The following MCU variants were observed in gnomAD, a reference collection of about 807,000 sequenced individuals.
The protein encoded by MCU is mitochondrial calcium uniporter.
MCU carries 12 observed loss-of-function variants against 45.2 expected under a neutral mutation model. That is an observed-to-expected ratio of 0.27 (90% CI 0.17 to 0.43). MCU has a LOEUF of 0.43. Among genes scored for constraint, MCU ranks in the 20% least tolerant of loss-of-function variants. The pLI is 1.00. For synonymous variants in MCU, 160 were observed against 165.1 expected, an observed-to-expected ratio of 0.97 and a Z score of 0.24; for missense variants, 324 against 436.7, an observed-to-expected ratio of 0.74 and a Z score of 2.30.
intron 1 of MCU, among the ~76,000 whole-genome samples, chr10:72,739,191 T>G (rs1448123098): frequency 3.3e-5 from 5 of 152,216 alleles, no homozygotes; most frequent in Admixed American, 2.0e-4. Context: ...CTTAACATTT[T>G]TTTTGACTAC....
intron 1 of MCU, among the ~76,000 whole-genome samples, chr10:72,772,099 A>G (rs973577403): frequency 1.3e-5 from 2 of 152,132 alleles, no homozygotes; most frequent in African/African-American, 4.8e-5. Context: ...AAGGGAGAAA[A>G]TGCCTGAGGA....
chr10:72,747,862 A>C (rs1479769469), intron 1 of MCU, among the ~76,000 whole-genome samples: 1 of 152,058 alleles, frequency 6.6e-6, no homozygotes, highest in Non-Finnish European at 1.5e-5. Context: ...TGGAAGTGTA[A>C]TATGGCCAAA....
chr10:72,739,348 G>C (rs539990597), intron 1 of MCU, among the ~76,000 whole-genome samples: 1 of 152,148 alleles, frequency 6.6e-6, no homozygotes, highest in African/African-American at 2.4e-5. Flanking sequence ...CTGGAATCTC[G>C]TTAAATTGTA....
rs115396851 is a variant in MCU, at chr10:72,868,459, G to A, written c.497-244G>A. On this transcript the variant is annotated intron_variant, in intron 4 of 7. Coordinates refer to ENST00000373053, the MANE Select transcript of MCU (RefSeq NM_138357.3). ...CCCAGCTACTTGGGAAGTTAACGTC[G>A]GAGGATTACTTGAGCCCTGGAGGTA... Among the ~76,000 whole-genome samples the A allele has an allele frequency of 6.5e-3, 987 of 151,860 alleles. 16 individuals carry two copies. The highest frequency in any genetic ancestry group is 0.023 in the African/African-American group (933 of 41,384).
chr10:72,779,674 G>A (rs190808265), intron 1 of MCU, among the ~76,000 whole-genome samples: 26 of 152,320 alleles, frequency 1.7e-4, no homozygotes, highest in African/African-American at 6.0e-4. Context: ...GTTAGCACAT[G>A]AAGATGCTCA....
At chr10:72,727,654 G>C (rs1040519967) in intron 1 of MCU, among the ~76,000 whole-genome samples, 1 of 152,056 alleles carries the variant, frequency 6.6e-6, no homozygotes, top group Non-Finnish European at 1.5e-5. Context: ...GTATGTATTT[G>C]TGTAGCAGTA....
intron 1 of MCU, among the ~76,000 whole-genome samples, chr10:72,738,150 A>G (rs2132692919): frequency 6.6e-6 from 1 of 152,258 alleles, no homozygotes; most frequent in East Asian, 1.9e-4. Flanking sequence ...TTCTGTAAAT[A>G]TAACAAAACT....
chr10:72,692,968 A>G, intron 1 of MCU: 1 of 1,535,488 alleles, frequency 6.5e-7, no homozygotes. Flanking sequence ...GGGTCCTTAA[A>G]GGTGCTTTTG....
intron 4 of MCU, among the ~76,000 whole-genome samples, chr10:72,863,602 A>T (rs540199056): frequency 3.9e-4 from 59 of 152,322 alleles, no homozygotes; most frequent in Non-Finnish European, 7.6e-4. Flanking sequence ...AAATATATGT[A>T]GATACAAGTC....
chr10:72,749,281 T>G lies in MCU; in HGVS notation c.150+56980T>G, dbSNP rs1443959955. On this transcript the variant is annotated intron_variant, in intron 1 of 7. Coordinates refer to ENST00000373053, the MANE Select transcript of MCU (RefSeq NM_138357.3). ...TCCTGGACGACTGAGTGAAAAACCT[T>G]GCCTCTAAAATCAAAAACCAACTTG... Among the ~76,000 whole-genome samples, 18 of 152,252 alleles carry G rather than the reference T, an allele frequency of 1.2e-4. No individual in the cohort carries two copies. In the East Asian group the frequency reaches 1.7e-3, roughly 15 times the overall value.
intron 1 of MCU, among the ~76,000 whole-genome samples, chr10:72,775,460 C>T (rs1843877096): frequency 6.6e-6 from 1 of 151,864 alleles, no homozygotes. Flanking sequence ...TTTAAGTAAA[C>T]AACGCACCTC....
Position 72,778,198 on chromosome 10 carries a change from C to T in MCU, c.151-56161C>T, listed in dbSNP as rs1843926114. On this transcript the variant is annotated intron_variant, in intron 1 of 7. Coordinates refer to ENST00000373053, the MANE Select transcript of MCU (RefSeq NM_138357.3). ...GGTATATAGCCAAAAGAAAGATAAT[C>T]AATATTTTTAAGGGTTATCTGCACT... Among the ~76,000 whole-genome samples the T allele has an allele frequency of 2.6e-5, 4 of 152,210 alleles. No individual in the cohort carries two copies. The South Asian group carries it at 8.3e-4, about 32-fold the overall frequency.
chr10:72,875,595 A>C (rs1845605413), intron 6 of MCU, among the ~76,000 whole-genome samples: 1 of 152,232 alleles, frequency 6.6e-6, no homozygotes. Context: ...CTCTGAAGCA[A>C]ATGCCTGTTC....
intron 1 of MCU, among the ~76,000 whole-genome samples, chr10:72,777,614 A>G (rs1394837716): frequency 3.9e-5 from 6 of 152,232 alleles, no homozygotes; most frequent in Non-Finnish European, 8.8e-5. Context: ...ATCTTGGGGA[A>G]ACCCTCCAGG....
chr10:72,859,170 C>T lies in MCU; in HGVS notation c.221-7C>T, dbSNP rs1845337978. On this transcript the variant is annotated splice_region_variant and splice_polypyrimidine_tract_variant and intron_variant, in intron 2 of 7. Transcript: ENST00000373053. ...TTATCATATGTTTGTGGGTCTTTTT[C>T]ATTCAGATGTTACAGTGGTTTATCA... 1 of 1,564,568 alleles carries T rather than the reference C, an allele frequency of 6.4e-7. No homozygotes were observed. The highest frequency in any genetic ancestry group is 2.3e-5 in the East Asian group (1 of 43,700).
At chr10:72,867,638 G>A (rs1227499927) in intron 4 of MCU, among the ~76,000 whole-genome samples, 1 of 152,064 alleles carries the variant, frequency 6.6e-6, no homozygotes, top group African/African-American at 2.4e-5. Context: ...TAGATCACGA[G>A]GTCAGGAGAT....
intron 1 of MCU, among the ~76,000 whole-genome samples, chr10:72,778,869 G>A (rs1461714239): frequency 1.3e-5 from 2 of 152,076 alleles, no homozygotes; most frequent in Non-Finnish European, 2.9e-5. Context: ...AAAAATTTCA[G>A]TGGGGAAAAA....
At chr10:72,721,115 C>G (rs1843015817) in intron 1 of MCU, 1 of 154,236 alleles carries the variant, frequency 6.5e-6, no homozygotes, top group African/African-American at 2.4e-5. Context: ...AACAATGTAT[C>G]TCACCTAGAT....
At chr10:72,854,485 C>T (rs764840797) in intron 2 of MCU, among the ~76,000 whole-genome samples, 15 of 152,016 alleles carry the variant, frequency 9.9e-5, no homozygotes, top group African/African-American at 3.4e-4. Context: ...AACAATACCA[C>T]GAAGAATGCA....
Sources: gnomAD v4.1 joint callset for allele counts (sites outside exome capture counted in the v4.1 genomes callset) on GRCh38, gnomAD v4.1.1 for gene constraint, MANE v1.5 for transcripts, NCBI Gene and HGNC (gene_info 2026-07-23, HGNC 2026-07-21) for gene names.